The following PRKCE variants were observed in gnomAD, a reference collection of about 807,000 sequenced individuals.
The protein encoded by PRKCE is protein kinase C epsilon, also known as protein kinase C epsilon type.
In PRKCE, 16 loss-of-function variants were observed where a neutral mutation model predicts 85.4. That is an observed-to-expected ratio of 0.19 (90% CI 0.13 to 0.28). PRKCE has a LOEUF of 0.28. Among genes scored for constraint, PRKCE ranks in the 10% least tolerant of loss-of-function variants. The probability of loss-of-function intolerance (pLI) is 1.00; values close to 1 mark genes in which losing one functional copy is unlikely to be tolerated. For synonymous variants in PRKCE, 388 were observed against 371.5 expected, an observed-to-expected ratio of 1.04 and a Z score of -0.51; for missense variants, 573 against 975.2, an observed-to-expected ratio of 0.59 and a Z score of 5.49.
chr2:45,705,595 A>C (rs1679050539), intron 1 of PRKCE, among the ~76,000 whole-genome samples: 1 of 152,140 alleles, frequency 6.6e-6, no homozygotes, highest in Non-Finnish European at 1.5e-5. Flanking sequence ...GTTTTTTTCC[A>C]CTGTCAGATA....
At chr2:45,982,999 A>T (rs1703012867) in intron 5 of PRKCE, among the ~76,000 whole-genome samples, 1 of 152,188 alleles carries the variant, frequency 6.6e-6, no homozygotes, top group Non-Finnish European at 1.5e-5. Context: ...GTACTTCCTT[A>T]GCAGTGAGGG....
chr2:45,776,144 T>C (rs889314599), intron 1 of PRKCE, among the ~76,000 whole-genome samples: 1 of 152,234 alleles, frequency 6.6e-6, no homozygotes. Flanking sequence ...AATTTACTTA[T>C]GGAGTTGAAG....
chr2:45,868,192 C>G (rs1457856778), intron 2 of PRKCE, among the ~76,000 whole-genome samples: 1 of 141,320 alleles, frequency 7.1e-6, no homozygotes, highest in South Asian at 2.4e-4. Context: ...CATGCCTGGT[C>G]TGGTTGGGGG....
intron 1 of PRKCE, among the ~76,000 whole-genome samples, chr2:45,726,371 G>A (rs1294693854): frequency 6.6e-6 from 1 of 152,136 alleles, no homozygotes; most frequent in East Asian, 1.9e-4. Context: ...TTCTTGCTGT[G>A]GGGTTGCCAC....
At chr2:46,150,983 G>T in intron 12 of PRKCE, 58 bp from the exon 13 acceptor site, 1 of 1,499,384 alleles carries the variant, frequency 6.7e-7, no homozygotes, top group African/African-American at 1.4e-5. Flanking sequence ...TTCGTAGCAC[G>T]GGTGTCACTG....
chr2:45,801,190 G>A (rs368009382), intron 1 of PRKCE, among the ~76,000 whole-genome samples: 42 of 152,310 alleles, frequency 2.8e-4, no homozygotes, highest in Middle Eastern at 3.4e-3. Flanking sequence ...ACTGATGGCC[G>A]CGCTCAGGAG....
chr2:45,918,751 C>T (rs1698021343), intron 2 of PRKCE, among the ~76,000 whole-genome samples: 2 of 151,884 alleles, frequency 1.3e-5, no homozygotes, highest in Admixed American at 6.6e-5. Flanking sequence ...GCTGAGGCAC[C>T]GCAGGGCTGA....
At chr2:45,799,106 C>A (rs1687660677) in intron 1 of PRKCE, among the ~76,000 whole-genome samples, 1 of 150,912 alleles carries the variant, frequency 6.6e-6, no homozygotes, top group Non-Finnish European at 1.5e-5. Flanking sequence ...GCGGAGCTTG[C>A]AGTAACCTGA....
chr2:45,820,303 C>A (rs1198789895), intron 1 of PRKCE, among the ~76,000 whole-genome samples: 1 of 151,972 alleles, frequency 6.6e-6, no homozygotes, highest in African/African-American at 2.4e-5. Flanking sequence ...CAGGGACCAG[C>A]AAGAAGGATA....
chr2:46,145,558 T>C lies in PRKCE; in HGVS notation c.1731+327T>C, dbSNP rs147468484. On this transcript the variant is annotated intron_variant, in intron 12 of 14. Coordinates refer to ENST00000306156, the MANE Select transcript of PRKCE (RefSeq NM_005400.3). This position sits in a 1 kb window ranked among gnomAD's most constrained non-coding sequence, Gnocchi z 4.6. The stretch of plus-strand genomic sequence containing the variant: ...AAGAAAAACGTGTTGACTTTTATTA[T>C]TGTTTTCATGTCTTTAAAATCAGAA... 6.4e-3 allele frequency among the ~76,000 whole-genome samples: 968 copies of C among 152,276 alleles called. 10 individuals carry two copies. Among genetic ancestry groups the C allele is most frequent in the African/African-American group, 0.022 (915 of 41,534 alleles).
intron 2 of PRKCE, among the ~76,000 whole-genome samples, chr2:45,926,615 G>A (rs1011545289): frequency 4.6e-5 from 7 of 152,236 alleles, no homozygotes; most frequent in African/African-American, 7.2e-5. Context: ...CGGAGGCTGA[G>A]AAGGATTTGT....
intron 10 of PRKCE, among the ~76,000 whole-genome samples, chr2:46,029,415 G>A (rs1208668619): frequency 6.6e-6 from 1 of 152,122 alleles, no homozygotes; most frequent in Admixed American, 6.5e-5. Context: ...AGCACATTGA[G>A]GTTTGGAATT....
chr2:45,965,832 TTTC>T (rs1321012559), intron 2 of PRKCE, among the ~76,000 whole-genome samples: 1 of 152,216 alleles, frequency 6.6e-6, no homozygotes. Flanking sequence ...TATCGACATG[TTTC>T]TTAGTTTTCT....
chr2:45,967,616 A>G lies in PRKCE; in HGVS notation c.413-8813A>G, dbSNP rs1701820378. 2.0e-5 allele frequency among the ~76,000 whole-genome samples: 3 copies of G among 152,216 alleles called. No individual in the cohort carries two copies. In the South Asian group the frequency reaches 6.2e-4, roughly 32 times the overall value. The stretch of plus-strand genomic sequence containing the variant: ...AGTCTCAGGAATCAAATAATATTGT[A>G]ATGTAGTAGTTTAGAAAATCAGATT... On this transcript the variant is annotated intron_variant, in intron 2 of 14. Transcript: ENST00000306156.
chr2:45,957,683 G>T (rs1199903428), intron 2 of PRKCE, among the ~76,000 whole-genome samples: 1 of 151,986 alleles, frequency 6.6e-6, no homozygotes, highest in Non-Finnish European at 1.5e-5. Flanking sequence ...GGCCAAGGTG[G>T]AAAGATTGCT....
At chr2:46,043,506 A>G (rs1196773640) in intron 10 of PRKCE, among the ~76,000 whole-genome samples, 1 of 152,202 alleles carries the variant, frequency 6.6e-6, no homozygotes, top group East Asian at 1.9e-4. Flanking sequence ...ATTATAGTAT[A>G]CCCCTAGAGA....
chr2:45,701,036 A>G (rs1678599488), intron 1 of PRKCE, among the ~76,000 whole-genome samples: 2 of 152,200 alleles, frequency 1.3e-5, no homozygotes, highest in African/African-American at 4.8e-5. Context: ...GAAGGAAGGC[A>G]TTTCCATTGT....
chr2:45,993,851 A>G (rs539351964), intron 6 of PRKCE, among the ~76,000 whole-genome samples: 1 of 151,594 alleles, frequency 6.6e-6, no homozygotes, highest in East Asian at 1.9e-4. Flanking sequence ...ATTAGTGATA[A>G]CTCCATTAGT....
intron 1 of PRKCE, among the ~76,000 whole-genome samples, chr2:45,758,653 T>C (rs1465539907): frequency 6.6e-6 from 1 of 152,218 alleles, no homozygotes; most frequent in East Asian, 1.9e-4. Flanking sequence ...AACATAGGTA[T>C]GTATCTTTAT....
Sources: allele counts gnomAD v4.1 joint callset (sites outside exome capture counted in the v4.1 genomes callset), GRCh38; gene constraint gnomAD v4.1.1; non-coding constraint Gnocchi (gnomAD v3.1); transcripts MANE v1.5; gene names NCBI Gene and HGNC (gene_info 2026-07-23, HGNC 2026-07-21).